CHRM3: variants seen among roughly 807,000 people sequenced by gnomAD.
CHRM3 encodes the protein cholinergic receptor muscarinic 3, also known as muscarinic acetylcholine receptor M3.
Under a neutral mutation model 41.8 loss-of-function variants are expected in CHRM3, and 11 were observed. The observed-to-expected ratio is 0.26, with a 90% CI of 0.17 to 0.44. The LOEUF is 0.44. Among genes scored for constraint, CHRM3 ranks in the 20% least tolerant of loss-of-function variants. The pLI is 1.00. For missense variants in CHRM3, 571 were observed against 745.4 expected (o/e 0.77, Z 2.72); for synonymous variants, 297 against 301.4 (o/e 0.99, Z 0.15).
intron 5 of CHRM3, among the ~76,000 whole-genome samples, chr1:239,736,914 T>C (rs2148464635): frequency 6.6e-6 from 1 of 152,312 alleles, no homozygotes; most frequent in Middle Eastern, 3.4e-3. Context: ...GCATGAAAGT[T>C]CAGTCTTGCT....
At chr1:239,676,112 G>A (rs904039602) in intron 4 of CHRM3, among the ~76,000 whole-genome samples, 1 of 152,166 alleles carries the variant, frequency 6.6e-6, no homozygotes, top group African/African-American at 2.4e-5. Flanking sequence ...TACCTGAATA[G>A]ACAAGACAGT....
chr1:239,550,627 A>C, intron 3 of CHRM3, among the ~76,000 whole-genome samples: 1 of 152,228 alleles, frequency 6.6e-6, no homozygotes, highest in Admixed American at 6.5e-5. Context: ...GACCAGAAAA[A>C]AATGAAAAGT....
At chr1:239,798,069 C>T (rs1410874064) in intron 5 of CHRM3, among the ~76,000 whole-genome samples, 1 of 152,042 alleles carries the variant, frequency 6.6e-6, no homozygotes, top group Non-Finnish European at 1.5e-5. Context: ...AATGTCAAAA[C>T]CAAATTCCAC....
rs899483475 is a variant in CHRM3 at position 239,905,819 on chromosome 1, A to C, written c.-19-1614A>C. Among the ~76,000 whole-genome samples the C allele has an allele frequency of 3.9e-5, 6 of 152,336 alleles. No homozygotes were observed. In the South Asian group the frequency reaches 1.2e-3, roughly 32 times the overall value. On this transcript the variant is annotated intron_variant, in intron 6 of 6. Coordinates refer to ENST00000676153, the MANE Select transcript of CHRM3 (RefSeq NM_001375978.1). ...TATTATTGCACTAAATTTAGCTCTG[A>C]GCATCCTGGCAGCCAAAGCAAAGAG...
chr1:239,618,903 T>TA (rs1668038235), intron 3 of CHRM3, among the ~76,000 whole-genome samples: 1 of 124,000 alleles, frequency 8.1e-6, no homozygotes, highest in Non-Finnish European at 1.7e-5. Context: ...CTCTCTTTTT[T>TA]ATGATTTATT....
At chr1:239,399,885 T>C (rs1353067548) in intron 1 of CHRM3, among the ~76,000 whole-genome samples, 1 of 152,186 alleles carries the variant, frequency 6.6e-6, no homozygotes, top group Admixed American at 6.5e-5. Flanking sequence ...CTGGGTCCTA[T>C]GGTAGTTTTA....
intron 5 of CHRM3, among the ~76,000 whole-genome samples, chr1:239,722,029 A>C (rs2148345767): frequency 6.6e-6 from 1 of 152,018 alleles, no homozygotes; most frequent in Non-Finnish European, 1.5e-5. Flanking sequence ...AAAATCATTA[A>C]TTTGCCAATT....
intron 3 of CHRM3, among the ~76,000 whole-genome samples, chr1:239,549,972 G>T (rs1350318254): frequency 1.3e-5 from 2 of 151,654 alleles, no homozygotes; most frequent in East Asian, 3.9e-4. Flanking sequence ...CTGTATTGTG[G>T]GCCAAGCAGA....
chr1:239,653,502 T>A (rs1016344684), intron 4 of CHRM3, among the ~76,000 whole-genome samples: 2 of 152,052 alleles, frequency 1.3e-5, no homozygotes, highest in African/African-American at 4.8e-5. Flanking sequence ...GGAATCTTTG[T>A]CAAAGAGCCA....
chr1:239,639,065 G>C (rs1348391377), intron 4 of CHRM3, among the ~76,000 whole-genome samples: 2 of 151,894 alleles, frequency 1.3e-5, no homozygotes. Context: ...TCAAAGATCA[G>C]ATAGTTGTAG....
intron 1 of CHRM3, among the ~76,000 whole-genome samples, chr1:239,465,335 A>T (rs1232841414): frequency 1.3e-5 from 2 of 152,208 alleles, no homozygotes; most frequent in Admixed American, 1.3e-4. Context: ...AGATATTTAT[A>T]ATCTGTTAAG....
At chr1:239,777,913 G>T (rs1007403678) in intron 5 of CHRM3, among the ~76,000 whole-genome samples, 1 of 152,046 alleles carries the variant, frequency 6.6e-6, no homozygotes, top group African/African-American at 2.4e-5. Flanking sequence ...GAAACACAGC[G>T]CTGGATAAGA....
At chr1:239,695,818 A>C in intron 5 of CHRM3, among the ~76,000 whole-genome samples, 1 of 152,180 alleles carries the variant, frequency 6.6e-6, no homozygotes, top group East Asian at 1.9e-4. Context: ...TGAGATTTTG[A>C]ACTAGACTTA....
chr1:239,741,009 T>G (rs1332937565), intron 5 of CHRM3, among the ~76,000 whole-genome samples: 1 of 152,222 alleles, frequency 6.6e-6, no homozygotes, highest in Non-Finnish European at 1.5e-5. Context: ...ATTCATATAC[T>G]AGTCTTCCTA....
At chr1:239,572,953 T>G (rs549559858) in intron 3 of CHRM3, among the ~76,000 whole-genome samples, 1 of 152,280 alleles carries the variant, frequency 6.6e-6, no homozygotes, top group African/African-American at 2.4e-5. Flanking sequence ...AATATTCTGT[T>G]TCTTCTCTAA....
chr1:239,600,031 T>C (rs1665318140), intron 3 of CHRM3, among the ~76,000 whole-genome samples: 1 of 152,138 alleles, frequency 6.6e-6, no homozygotes, highest in African/African-American at 2.4e-5. Flanking sequence ...TTTTGCTGTA[T>C]ATTCCTTCTT....
intron 1 of CHRM3, among the ~76,000 whole-genome samples, chr1:239,443,337 C>G (rs1172260698): frequency 6.6e-6 from 1 of 152,110 alleles, no homozygotes; most frequent in Non-Finnish European, 1.5e-5. Context: ...TGAGAATTTC[C>G]TATTCAAGTT....
At chr1:239,694,300 T>C (rs1572008439) in intron 5 of CHRM3, among the ~76,000 whole-genome samples, 1 of 152,198 alleles carries the variant, frequency 6.6e-6, no homozygotes, top group African/African-American at 2.4e-5. Flanking sequence ...AAGTCAACAA[T>C]GAATGCAAGA....
At chr1:239,866,678 G>T (rs1676138620) in intron 6 of CHRM3, among the ~76,000 whole-genome samples, 4 of 152,152 alleles carry the variant, frequency 2.6e-5, no homozygotes, top group Admixed American at 6.6e-5. Flanking sequence ...TAAGGAGAAA[G>T]AAATATTTTC....
Sources: gnomAD v4.1 joint callset for allele counts (sites outside exome capture counted in the v4.1 genomes callset) on GRCh38, gnomAD v4.1.1 for gene constraint, MANE v1.5 for transcripts, NCBI Gene and HGNC (gene_info 2026-07-23, HGNC 2026-07-21) for gene names.